The following MEMO1 variants were observed in gnomAD, a reference collection of about 807,000 sequenced individuals.
MEMO1 encodes the protein mediator of cell motility 1, also known as protein MEMO1.
Under a neutral mutation model 45.2 loss-of-function variants are expected in MEMO1, and 6 were observed. The ratio of observed to expected loss-of-function variants is 0.13; its 90% CI spans 0.07 to 0.26. The LOEUF (loss-of-function observed/expected upper bound fraction) is 0.26. Among genes scored for constraint, MEMO1 ranks in the 10% least tolerant of loss-of-function variants. The probability of loss-of-function intolerance (pLI) is 1.00; values close to 1 mark genes in which losing one functional copy is unlikely to be tolerated. For missense variants in MEMO1, 184 were observed against 370.5 expected, an observed-to-expected ratio of 0.50 and a Z score of 4.13; for synonymous variants, 78 against 124.3, an observed-to-expected ratio of 0.63 and a Z score of 2.48.
intron 2 of MEMO1, among the ~76,000 whole-genome samples, chr2:32,005,369 C>T (rs909318911): frequency 7.1e-6 from 1 of 141,050 alleles, no homozygotes; most frequent in Non-Finnish European, 1.5e-5. Context: ...TATAATTCCA[C>T]TGATAAAGAA....
intron 2 of MEMO1, among the ~76,000 whole-genome samples, chr2:31,993,270 A>T (rs952438480): frequency 2.6e-5 from 4 of 152,248 alleles, no homozygotes; most frequent in Non-Finnish European, 5.9e-5. Context: ...ATTTCCACTC[A>T]TGAGGAAGTA....
chr2:31,896,510 A>ATT (rs1232803798), intron 6 of MEMO1, among the ~76,000 whole-genome samples: 2 of 152,242 alleles, frequency 1.3e-5, no homozygotes, highest in East Asian at 3.8e-4. Flanking sequence ...AACTTTATTT[A>ATT]CAAAAGTAGG....
At chr2:32,004,141 A>G (rs1673754082) in intron 2 of MEMO1, among the ~76,000 whole-genome samples, 1 of 152,180 alleles carries the variant, frequency 6.6e-6, no homozygotes, top group Admixed American at 6.5e-5. Context: ...TGATCACACC[A>G]TTGCCATCCA....
intron 8 of MEMO1, among the ~76,000 whole-genome samples, chr2:31,880,194 T>C (rs112056679): frequency 6.6e-6 from 1 of 152,178 alleles, no homozygotes; most frequent in African/African-American, 2.4e-5. Flanking sequence ...CAATCATTAA[T>C]CATTTGCTAT....
Position 31,941,100 on chromosome 2 carries a change from T to C in MEMO1, c.143+2202A>G, listed in dbSNP as rs1422197644. 5.3e-5 allele frequency among the ~76,000 whole-genome samples: 8 copies of C among 152,234 alleles called. No individual in the cohort carries two copies. In the East Asian group the frequency reaches 1.3e-3, roughly 26 times the overall value. On this transcript the variant is annotated intron_variant, in intron 3 of 9. Transcript: ENST00000404530. ...CTACTGCTCAAAACTTGTCATGACT[T>C]GCCATATCACTCAGAATAAAAACCA...
intron 2 of MEMO1, among the ~76,000 whole-genome samples, chr2:32,005,318 CA>C (rs1305881226): frequency 7.6e-3 from 435 of 57,298 alleles, no homozygotes; most frequent in African/African-American, 0.026. Flanking sequence ...ACTCTGTCAC[CA>C]AAAAAAAAAA....
intron 2 of MEMO1, among the ~76,000 whole-genome samples, chr2:31,948,273 T>C (rs1174399861): frequency 1.3e-5 from 2 of 152,238 alleles, no homozygotes; most frequent in African/African-American, 4.8e-5. Context: ...CAAGGGAGCC[T>C]TCTAGTGTTG....
intron 2 of MEMO1, among the ~76,000 whole-genome samples, chr2:31,981,042 C>G (rs377586636): frequency 6.6e-6 from 1 of 152,194 alleles, no homozygotes; most frequent in African/African-American, 2.4e-5. Context: ...AATCGTACAC[C>G]AATTCAGAAG....
At chr2:31,966,824 T>C (rs1297118399) in intron 2 of MEMO1, among the ~76,000 whole-genome samples, 1 of 152,072 alleles carries the variant, frequency 6.6e-6, no homozygotes, top group Non-Finnish European at 1.5e-5. Flanking sequence ...GAGTAAACAC[T>C]GCCACATTTG....
intron 3 of MEMO1, among the ~76,000 whole-genome samples, chr2:31,938,111 G>T (rs563830115): frequency 4.6e-5 from 7 of 151,998 alleles, no homozygotes; most frequent in Admixed American, 4.6e-4. Context: ...TCCTCCAAAC[G>T]TGCCTGCCTT....
chr2:31,982,008 G>C (rs1670689984), intron 2 of MEMO1, among the ~76,000 whole-genome samples: 1 of 152,140 alleles, frequency 6.6e-6, no homozygotes, highest in African/African-American at 2.4e-5. Context: ...ACAAATACAA[G>C]ATACAACTGG....
chr2:31,922,820 G>A (rs1438643673), intron 4 of MEMO1, among the ~76,000 whole-genome samples: 1 of 151,974 alleles, frequency 6.6e-6, no homozygotes, highest in African/African-American at 2.4e-5. Context: ...TTAAAGAGCT[G>A]TGTAATATTA....
At chr2:31,990,906 T>C (rs958275785) in intron 2 of MEMO1, among the ~76,000 whole-genome samples, 11 of 152,160 alleles carry the variant, frequency 7.2e-5, no homozygotes, top group East Asian at 1.9e-4. Context: ...TGATATATTA[T>C]TTAGATATGC....
At chr2:31,956,360 T>C (rs986449718) in intron 2 of MEMO1, among the ~76,000 whole-genome samples, 7 of 152,116 alleles carry the variant, frequency 4.6e-5, no homozygotes, top group African/African-American at 1.2e-4. Flanking sequence ...AAAAGGAGTT[T>C]CTTAAGAGAA....
intron 2 of MEMO1, among the ~76,000 whole-genome samples, chr2:31,984,747 G>C (rs1459092244): frequency 6.6e-6 from 1 of 152,086 alleles, no homozygotes; most frequent in Admixed American, 6.5e-5. Flanking sequence ...CAGAGCTTGC[G>C]GTGAGCCAAG....
intron 5 of MEMO1, among the ~76,000 whole-genome samples, chr2:31,919,415 A>C (rs2148165515): frequency 6.6e-6 from 1 of 152,242 alleles, no homozygotes; most frequent in African/African-American, 2.4e-5. Flanking sequence ...AGCCTCTCAA[A>C]GTGCTGGGAT....
intron 2 of MEMO1, among the ~76,000 whole-genome samples, chr2:31,950,587 G>C (rs918986989): frequency 6.6e-6 from 1 of 151,516 alleles, no homozygotes; most frequent in Non-Finnish European, 1.5e-5. Context: ...GCCAGGCATG[G>C]TGGCGCACAC....
chr2:31,875,526 A>C (rs1674428772), intron 8 of MEMO1, among the ~76,000 whole-genome samples: 1 of 152,214 alleles, frequency 6.6e-6, no homozygotes, highest in East Asian at 1.9e-4. Context: ...CTGAGTTCCA[A>C]ACCAAAATAG....
chr2:31,903,964 C>G (rs898157705), intron 6 of MEMO1, among the ~76,000 whole-genome samples: 42 of 152,164 alleles, frequency 2.8e-4, no homozygotes, highest in Non-Finnish European at 4.1e-4. Flanking sequence ...CTACTTTTCT[C>G]TATTTCTAAC....
Sources: allele counts gnomAD v4.1 joint callset (sites outside exome capture counted in the v4.1 genomes callset), GRCh38; gene constraint gnomAD v4.1.1; transcripts MANE v1.5; gene names NCBI Gene and HGNC (gene_info 2026-07-23, HGNC 2026-07-21).